Variants in KANSL1L observed in about 807,000 individuals in gnomAD.
KANSL1L encodes KAT8 regulatory NSL complex subunit 1 like.
KANSL1L carries 25 observed loss-of-function variants against 108.6 expected under a neutral mutation model. The ratio of observed to expected loss-of-function variants is 0.23; its 90% CI spans 0.17 to 0.32. The LOEUF (loss-of-function observed/expected upper bound fraction) is 0.32. KANSL1L is among the 10% of genes least tolerant of loss of function. KANSL1L has a pLI of 1.00. For missense variants in KANSL1L, 1,137 were observed against 1,125.7 expected (o/e 1.01, Z -0.14); for synonymous variants, 405 against 395.1 (o/e 1.03, Z -0.30).
intron 6 of KANSL1L, among the ~76,000 whole-genome samples, chr2:210,058,881 G>T (rs931438938): frequency 1.9e-4 from 28 of 145,564 alleles, no homozygotes; most frequent in African/African-American, 6.9e-4. Flanking sequence ...GGCTCAGGGG[G>T]CATCACGGAA....
intron 2 of KANSL1L, among the ~76,000 whole-genome samples, chr2:210,147,014 G>C (rs1575615310): frequency 1.3e-5 from 2 of 152,132 alleles, no homozygotes; most frequent in Admixed American, 1.3e-4. Context: ...TAAAATCCCA[G>C]CTTTGCCATT....
chr2:210,104,301 C>T lies in KANSL1L; in HGVS notation c.1231G>A (p.Gly411Arg). The part of the protein sequence containing the change: ...DIHRQIRASK[G>R]IVVLEECQLP... ...TGACATTCTTCTAGGACCACTATCC[C>T]CTAGACAAAAAACAATGAGAAAGTT... The change falls in exon 4 of 15, where the codon GGG becomes AGG. Residue 411 changes from glycine to arginine, a missense_variant and splice_region_variant. Around this residue, in one of 3 missense-constraint regions of KANSL1L, gnomAD observed 556 missense variants for 537.7 expected, o/e 1.03. Transcript: ENST00000281772. The T allele has an allele frequency of 6.2e-7, 1 of 1,609,220 alleles. No homozygotes were observed. The highest frequency in any genetic ancestry group is 1.3e-5 in the African/African-American group (1 of 74,816).
chr2:210,096,545 T>C, intron 5 of KANSL1L: 1 of 984,816 alleles, frequency 1.0e-6, no homozygotes, highest in Non-Finnish European at 1.2e-6. Context: ...TGTGTGTAAC[T>C]GTGTAGTACT....
chr2:210,165,513 A>AG (rs973430007), intron 1 of KANSL1L, among the ~76,000 whole-genome samples: 2 of 152,238 alleles, frequency 1.3e-5, no homozygotes, highest in East Asian at 1.9e-4. Context: ...AATAAAAACA[A>AG]GGGGGGATTG....
intron 2 of KANSL1L, among the ~76,000 whole-genome samples, chr2:210,143,654 A>T (rs1300297800): frequency 2.0e-5 from 3 of 152,042 alleles, no homozygotes; most frequent in Admixed American, 2.0e-4. Flanking sequence ...TGTGGTTACC[A>T]TTAGGCTTAA....
chr2:210,037,469 T>G (rs1486662082), intron 8 of KANSL1L, among the ~76,000 whole-genome samples: 1 of 152,184 alleles, frequency 6.6e-6, no homozygotes, highest in African/African-American at 2.4e-5. Context: ...CTGCACATAA[T>G]ACTTATATTT....
At chr2:210,089,087 A>C (rs2094667501) in intron 5 of KANSL1L, 1 of 153,312 alleles carries the variant, frequency 6.5e-6, no homozygotes. Context: ...GAATCTCATT[A>C]AATGACTGAT....
chr2:210,079,648 A>ATATATTTATGTG, intron 5 of KANSL1L, among the ~76,000 whole-genome samples: 1 of 15,200 alleles, frequency 6.6e-5, no homozygotes, highest in African/African-American at 2.3e-4. Flanking sequence ...ATATATATAT[A>ATATATTTATGTG]TATATATATA....
At chr2:210,098,337 G>T in intron 4 of KANSL1L, 130 bp from the exon 5 acceptor site, 1 of 791,122 alleles carries the variant, frequency 1.3e-6, no homozygotes, top group South Asian at 1.9e-5. Flanking sequence ...TGTTTTATTT[G>T]ACAAAGACAA....
At chr2:210,033,101 C>T (rs181464814) in intron 8 of KANSL1L, among the ~76,000 whole-genome samples, 1 of 152,100 alleles carries the variant, frequency 6.6e-6, no homozygotes, top group African/African-American at 2.4e-5. Flanking sequence ...AAAAAGACCG[C>T]AATGGGGTAA....
intron 8 of KANSL1L, among the ~76,000 whole-genome samples, chr2:210,038,442 T>A (rs778540405): frequency 1.3e-5 from 2 of 152,056 alleles, no homozygotes; most frequent in Non-Finnish European, 2.9e-5. Context: ...CTATTTTTAC[T>A]ATAGTTGTGC....
At chr2:210,172,473 AT>A (rs1195950979), upstream of KANSL1L, among the ~76,000 whole-genome samples, 1 of 152,266 alleles carries the variant, frequency 6.6e-6, no homozygotes, top group Non-Finnish European at 1.5e-5. Flanking sequence ...GAATTGGAAA[AT>A]TAGCTACTCG....
intron 2 of KANSL1L, among the ~76,000 whole-genome samples, chr2:210,147,323 A>G (rs1256675713): frequency 6.6e-6 from 1 of 152,160 alleles, no homozygotes; most frequent in Non-Finnish European, 1.5e-5. Context: ...TTAGCCAAAC[A>G]TGATGGCACA....
chr2:210,065,430 G>A (rs765733251), intron 6 of KANSL1L, among the ~76,000 whole-genome samples: 2 of 151,432 alleles, frequency 1.3e-5, no homozygotes, highest in Non-Finnish European at 2.9e-5. Flanking sequence ...GGTTCTCACA[G>A]TTAGACATGG....
intron 6 of KANSL1L, among the ~76,000 whole-genome samples, chr2:210,052,848 TAATAAGTAGGCTATTCTA>T (rs1324742104): frequency 6.6e-6 from 1 of 152,208 alleles, no homozygotes; most frequent in Non-Finnish European, 1.5e-5. Context: ...AGGAAAGACA[TAATAAGTAGGCTATTCTA>T]AATAGTTGTA....
chr2:210,077,502 TAGA>T (rs2094550964), intron 5 of KANSL1L, among the ~76,000 whole-genome samples: 1 of 152,006 alleles, frequency 6.6e-6, no homozygotes, highest in South Asian at 2.1e-4. Flanking sequence ...GTGGCTAGCA[TAGA>T]AGTGAGTCGA....
chr2:210,073,806 C>T (rs957698158), intron 6 of KANSL1L, among the ~76,000 whole-genome samples: 1 of 150,112 alleles, frequency 6.7e-6, no homozygotes, highest in Non-Finnish European at 1.5e-5. Flanking sequence ...CACACACACA[C>T]AGTTCCAATT....
rs1559539905 is a variant in KANSL1L at position 210,079,676 on chromosome 2, ATATATATATATATATGTATGTGTG to A, written c.1551-3944_1551-3921del. 2.6e-3 allele frequency: 53 copies of A among 20,694 alleles called. 11 individuals carry two copies. The highest frequency in any genetic ancestry group is 3.4e-3 in the Non-Finnish European group (44 of 13,026). 1.3% of individuals were successfully genotyped at this position (20,694 alleles called of 1,614,324 possible). On this transcript the variant is annotated intron_variant, in intron 5 of 14. Coordinates refer to ENST00000281772, the MANE Select transcript of KANSL1L (RefSeq NM_152519.4). ...TATATATATATATATGTATGTGTGT[ATATATATATATATATGTATGTGTG>A]TATATATATATATATATATATATAT...
chr2:210,130,844 AT>A (rs11333274), intron 2 of KANSL1L, among the ~76,000 whole-genome samples: 141,885 of 143,838 alleles, frequency 0.99, 69,979 homozygotes, highest in Middle Eastern at 1. Context: ...GGTGGTAACA[AT>A]TTTTTTTTTT....
Sources: allele counts gnomAD v4.1 joint callset (sites outside exome capture counted in the v4.1 genomes callset), GRCh38; gene constraint gnomAD v4.1.1; regional missense constraint gnomAD v4.1.1; transcripts MANE v1.5; gene names NCBI Gene and HGNC (gene_info 2026-07-23, HGNC 2026-07-21).